The following DPH6 variants were observed in gnomAD, a reference collection of about 807,000 sequenced individuals.
DPH6 encodes diphthamine biosynthesis 6.
In DPH6, 33 loss-of-function variants were observed where a neutral mutation model predicts 38.2. The observed-to-expected ratio is 0.86, with a 90% CI of 0.65 to 1.15. The LOEUF (loss-of-function observed/expected upper bound fraction) is 1.15. Among genes scored for constraint, DPH6 ranks in the 50% most tolerant of loss-of-function variants. The pLI, the probability that DPH6 is intolerant of heterozygous loss-of-function variation, is 0.00. For synonymous variants in DPH6, 108 were observed against 103.0 expected, an observed-to-expected ratio of 1.05 and a Z score of -0.30; for missense variants, 325 against 320.0, an observed-to-expected ratio of 1.02 and a Z score of -0.12.
intron 3 of DPH6, among the ~76,000 whole-genome samples, chr15:35,338,343 C>G (rs2140873581): frequency 6.6e-6 from 1 of 151,634 alleles, no homozygotes; most frequent in South Asian, 2.1e-4. Flanking sequence ...AAGAAAAAAA[C>G]AAACAACCCC....
At chr15:35,378,664 A>T (rs950425940) in intron 7 of DPH6, among the ~76,000 whole-genome samples, 1 of 152,214 alleles carries the variant, frequency 6.6e-6, no homozygotes, top group Non-Finnish European at 1.5e-5. Context: ...GGATGAGTTC[A>T]TGTCCTTTCA....
chr15:35,413,158 A>G (rs985045638), intron 5 of DPH6, among the ~76,000 whole-genome samples: 11 of 151,650 alleles, frequency 7.3e-5, no homozygotes, highest in African/African-American at 2.7e-4. Context: ...AAAATAAAAT[A>G]AAAAAATTTG....
At chr15:35,286,584 AGG>A (rs1402263896) in intron 3 of DPH6, among the ~76,000 whole-genome samples, 1 of 152,248 alleles carries the variant, frequency 6.6e-6, no homozygotes, top group Non-Finnish European at 1.5e-5. Flanking sequence ...TAGCATTGCT[AGG>A]TTAGTGGACA....
chr15:35,257,639 T>C (rs2051717104), intron 3 of DPH6, among the ~76,000 whole-genome samples: 1 of 152,100 alleles, frequency 6.6e-6, no homozygotes, highest in South Asian at 2.1e-4. Context: ...GGAGATAAAA[T>C]CTTAGAAATG....
intron 3 of DPH6, among the ~76,000 whole-genome samples, chr15:35,312,573 A>G (rs1363392785): frequency 6.6e-6 from 1 of 152,206 alleles, no homozygotes; most frequent in Non-Finnish European, 1.5e-5. Context: ...ATTATCCAGA[A>G]TCACTACAGT....
intron 3 of DPH6, among the ~76,000 whole-genome samples, chr15:35,525,524 C>G (rs1286311765): frequency 1.3e-5 from 2 of 152,072 alleles, no homozygotes; most frequent in African/African-American, 4.8e-5. Flanking sequence ...CAGGGGACAA[C>G]TAATTATTGA....
At chr15:35,286,468 GCATCCTT>G (rs2051944634) in intron 3 of DPH6, among the ~76,000 whole-genome samples, 2 of 152,158 alleles carry the variant, frequency 1.3e-5, no homozygotes, top group South Asian at 4.1e-4. Flanking sequence ...CTCTTGCACA[GCATCCTT>G]CAAAGGACAC....
chr15:35,247,609 GAGA>G (rs1344037563), intron 3 of DPH6, among the ~76,000 whole-genome samples: 3 of 152,304 alleles, frequency 2.0e-5, no homozygotes, highest in South Asian at 2.1e-4. Context: ...TTTCAGTTGG[GAGA>G]AGGAGGGGAA....
Position 35,446,994 on chromosome 15 carries a change from G to A in DPH6, c.505+3691C>T, listed in dbSNP as rs893921571. 7.2e-5 allele frequency among the ~76,000 whole-genome samples: 11 copies of A among 151,816 alleles called. 1 individual carries two copies. The highest frequency in any genetic ancestry group is 5.8e-4 in the East Asian group (3 of 5,134). On this transcript the variant is annotated intron_variant, in intron 5 of 8. Transcript: ENST00000256538. ...TGCCATTCTCCTGCCTCAGCCTCCT[G>A]AGTAGCTAGGACTACAGGCGTCCAC...
At chr15:35,438,648 A>G (rs1481621903) in intron 5 of DPH6, among the ~76,000 whole-genome samples, 1 of 152,114 alleles carries the variant, frequency 6.6e-6, no homozygotes, top group African/African-American at 2.4e-5. Context: ...GTGGTTATAT[A>G]TATGTTGTGT....
rs1337613518 is a variant in DPH6, at chr15:35,263,434, C to T, written n.201-42852G>A. 5.6e-5 allele frequency among the ~76,000 whole-genome samples: 7 copies of T among 124,760 alleles called. No homozygotes were observed. The East Asian group carries it at 1.4e-3, about 25-fold the overall frequency. 81.8% of individuals were successfully genotyped at this position (124,760 alleles called of 152,430 possible). ...TTTTTTTTTTTTTTAGAGACAGGGT[C>T]TCACTCTCTCGCCTAGGCTAGAGTG... On this transcript the variant is annotated intron_variant and non_coding_transcript_variant, in intron 3 of 3. Transcript: ENST00000560386.
At position 35,453,542 on chromosome 15, in the gene DPH6, T is replaced by C. The variant is rs1003689559; in HGVS notation, c.386+1205A>G. 1.2e-4 allele frequency among the ~76,000 whole-genome samples: 19 copies of C among 152,212 alleles called. 1 individual carries two copies. The South Asian group carries it at 3.9e-3, about 32-fold the overall frequency. ...TATGCAATTCATCTCCATCTGCAGA[T>C]CAGTTGTTCTCAACGGTAGATCTAC... On this transcript the variant is annotated intron_variant, in intron 4 of 8. Coordinates refer to ENST00000256538, the MANE Select transcript of DPH6 (RefSeq NM_080650.4).
At chr15:35,380,643 A>C (rs1369006440) in intron 7 of DPH6, among the ~76,000 whole-genome samples, 1 of 152,168 alleles carries the variant, frequency 6.6e-6, no homozygotes, top group Non-Finnish European at 1.5e-5. Context: ...TTTTTCTTGA[A>C]TAATATAACG....
chr15:35,227,146 A>G (rs1595435911), intron 3 of DPH6, among the ~76,000 whole-genome samples: 1 of 121,760 alleles, frequency 8.2e-6, no homozygotes, highest in East Asian at 2.4e-4. Context: ...GAACCTTTCA[A>G]TTTCTGCAAT....
intron 3 of DPH6, among the ~76,000 whole-genome samples, chr15:35,529,476 G>T (rs1316853601): frequency 6.6e-6 from 1 of 152,052 alleles, no homozygotes; most frequent in Non-Finnish European, 1.5e-5. Flanking sequence ...AGATATGGGT[G>T]GGGACACAGA....
chr15:35,307,928 T>C (rs765022719), intron 3 of DPH6, among the ~76,000 whole-genome samples: 2 of 152,190 alleles, frequency 1.3e-5, no homozygotes, highest in Non-Finnish European at 2.9e-5. Context: ...TTCTTATTCA[T>C]GCTACTTTTC....
At chr15:35,201,355 G>A in the DPH6 span, among the ~76,000 whole-genome samples, 1 of 151,638 alleles carries the variant, frequency 6.6e-6, no homozygotes, top group Non-Finnish European at 1.5e-5. Flanking sequence ...ATGGATTCTA[G>A]GTGCAGTAGT....
chr15:35,332,832 A>T (rs1326463182), intron 3 of DPH6, among the ~76,000 whole-genome samples: 2 of 152,110 alleles, frequency 1.3e-5, no homozygotes, highest in East Asian at 3.9e-4. Context: ...GTGCATGCAC[A>T]TACAATTACA....
chr15:35,268,003 T>C (rs1240924144), intron 3 of DPH6, among the ~76,000 whole-genome samples: 1 of 151,976 alleles, frequency 6.6e-6, no homozygotes, highest in East Asian at 1.9e-4. Context: ...ACCCTGTCTC[T>C]ACTAAAAATA....
Sources: allele counts gnomAD v4.1 joint callset (sites outside exome capture counted in the v4.1 genomes callset), GRCh38; gene constraint gnomAD v4.1.1; transcripts MANE v1.5; gene names NCBI Gene and HGNC (gene_info 2026-07-23, HGNC 2026-07-21).